PCYOX1: variants seen among roughly 807,000 people sequenced by gnomAD.
PCYOX1 encodes the protein prenylcysteine lyase.
Under a neutral mutation model 46.4 loss-of-function variants are expected in PCYOX1, and 46 were observed. The observed-to-expected ratio is 0.99, with a 90% confidence interval of 0.78 to 1.27. The LOEUF is 1.27. Ranked by LOEUF, PCYOX1 falls within the 50% of genes most tolerant of loss-of-function variation. The pLI, the probability that PCYOX1 is intolerant of heterozygous loss-of-function variation, is 0.00. For missense variants in PCYOX1, 658 were observed against 628.3 expected, an observed-to-expected ratio of 1.05 and a Z score of -0.51; for synonymous variants, 220 against 231.8, an observed-to-expected ratio of 0.95 and a Z score of 0.46.
intron 2 of PCYOX1, 37 bp from the exon 3 acceptor site, chr2:70,261,175 G>T: frequency 6.8e-7 from 1 of 1,465,602 alleles, no homozygotes; most frequent in South Asian, 1.2e-5. Flanking sequence ...GATCAGCATA[G>T]ACACCACTGA....
chr2:70,259,527 C>T lies in PCYOX1; in HGVS notation c.280C>T (p.Pro94Ser). The change falls in exon 2 of 6, where the codon CCT (proline) becomes TCT (serine). Residue 94 changes from proline (P) to serine (S), a missense_variant. By Grantham distance (74) the Pro-to-Ser change is moderately conservative (BLOSUM62 -1). Coordinates refer to ENST00000433351, the MANE Select transcript of PCYOX1 (RefSeq NM_016297.4). Reference sequence around the variant, plus strand: ...CGAGGCAGGAGGTTCTGTCATCCATCCTTTAAATCTGCACATGAAACGTTT... The same window carrying T: ...CGAGGCAGGAGGTTCTGTCATCCATTCTTTAAATCTGCACATGAAACGTTT... ...EYEAGGSVIHPLNLHMKRFVK... is the reference protein window; with the variant it reads ...EYEAGGSVIHSLNLHMKRFVK... 1 of 1,614,032 alleles carries T rather than the reference C, an allele frequency of 6.2e-7. No homozygotes were observed. Among genetic ancestry groups the T allele is most frequent in the Non-Finnish European group, 8.5e-7 (1 of 1,179,996 alleles).
intron 3 of PCYOX1, among the ~76,000 whole-genome samples, chr2:70,267,158 G>A (rs1487575193): frequency 6.6e-6 from 1 of 151,890 alleles, no homozygotes; most frequent in Non-Finnish European, 1.5e-5. Flanking sequence ...ACGGCGTCGC[G>A]GCCGGGCAGA....
rs778366823 is a variant in PCYOX1 at position 70,277,150 on chromosome 2, G to A, written c.1276G>A (p.Asp426Asn). Reference sequence around the variant, plus strand: ...AATTTTAAAGCTCTTTCTGTCCTATGATTATGCTGTGAAGAAGCCATGGCT... The same window carrying A: ...AATTTTAAAGCTCTTTCTGTCCTATAATTATGCTGTGAAGAAGCCATGGCT... ...AQILKLFLSYDYAVKKPWLAY... is the reference protein window; with the variant it reads ...AQILKLFLSYNYAVKKPWLAY... Residue 426 changes from aspartate (D) to asparagine (N), a missense_variant, in exon 6 of 6, where the codon GAT becomes AAT. Transcript: ENST00000433351. 4.3e-6 allele frequency: 7 copies of A among 1,614,026 alleles called. No homozygotes were observed. The Admixed American group carries it at 1.2e-4, about 27-fold the overall frequency.
At chr2:70,276,372 A>T (rs572421906) in intron 5 of PCYOX1, among the ~76,000 whole-genome samples, 16 of 151,636 alleles carry the variant, frequency 1.1e-4, no homozygotes, top group African/African-American at 3.9e-4. Context: ...GCGCTCGGCT[A>T]ATTTTTTGTA....
At position 70,276,868 on chromosome 2, in the gene PCYOX1, C is replaced by G; in HGVS notation, c.994C>G (p.Pro332Ala). 6.2e-7 allele frequency: 1 copy of G among 1,613,290 alleles called. No homozygotes were observed. Among genetic ancestry groups the G allele is most frequent in the East Asian group, 2.2e-5 (1 of 44,872 alleles). Residue 332 changes from proline to alanine, a missense_variant, in exon 6 of 6, where the codon CCA (proline) becomes GCA (alanine). Transcript: ENST00000433351. The stretch of plus-strand genomic sequence containing the variant: ...TATTACTTTTCTCAACTTTGATCCT[C>G]CAATTGAGGAATTCCATCAATATTA... The part of the protein sequence containing the change: ...SNITFLNFDP[P>A]IEEFHQYYQH...
At chr2:70,267,930 C>T (rs113413501) in intron 3 of PCYOX1, among the ~76,000 whole-genome samples, 15 of 152,198 alleles carry the variant, frequency 9.9e-5, no homozygotes, top group African/African-American at 3.6e-4. Context: ...TCTGCCTCAG[C>T]CTCCCGAGTA....
chr2:70,276,336 A>T (rs972210214), intron 5 of PCYOX1, among the ~76,000 whole-genome samples: 4 of 150,892 alleles, frequency 2.7e-5, no homozygotes, highest in Non-Finnish European at 3.0e-5. Context: ...CGTCCCGAGT[A>T]GCTGGGACTA....
At position 70,277,509 on chromosome 2, in the gene PCYOX1, A is replaced by G. The variant is rs1268173680; in HGVS notation, c.*117A>G. 1 of 817,198 alleles carries G rather than the reference A, an allele frequency of 1.2e-6. No individual in the cohort carries two copies. Among genetic ancestry groups the G allele is most frequent in the Non-Finnish European group, 2.0e-6 (1 of 506,618 alleles). 50.6% of individuals were successfully genotyped at this position (817,198 alleles called of 1,614,324 possible). On this transcript the variant is annotated 3_prime_UTR_variant, in exon 6 of 6. Transcript: ENST00000433351. ...ATTTTGCCATTATCATTGTTTAATA[A>G]AAGTAATCCCTGCTGGTCATAGGAA...
In PCYOX1 at chr2:70,277,436, A is replaced by G. The variant is rs968247827; in HGVS notation, c.*44A>G. ...CCCCTCCTAGTTCCAAATGACTATC[A>G]GTGGCAAAAAAGAACAAAATCTGAG... On this transcript the variant is annotated 3_prime_UTR_variant, in exon 6 of 6. Transcript: ENST00000433351. The G allele has an allele frequency of 6.8e-7, 1 of 1,472,460 alleles. No individual in the cohort carries two copies. Among genetic ancestry groups the G allele is most frequent in the South Asian group, 1.3e-5 (1 of 77,114 alleles). The allele number at this position is 1,472,460 out of a possible 1,614,324, so 91.2% of individuals were successfully genotyped here. A position where few individuals can be genotyped will look rare whatever the true frequency, so the allele number is the denominator to read the frequency against.
Position 70,277,262 on chromosome 2 carries a change from C to T in PCYOX1, c.1388C>T (p.Ala463Val), listed in dbSNP as rs747333866. The stretch of plus-strand genomic sequence containing the variant: ...TATTACCTCAATGGCATAGAGTGTG[C>T]AGCAAGTGCCATGGAGATGAGTGCC... ...RLYYLNGIEC[A>V]ASAMEMSAIA... Residue 463 changes from alanine (A) to valine (V), a missense_variant, in exon 6 of 6, where the codon GCA (alanine) becomes GTA (valine). Transcript: ENST00000433351. 6 of 1,614,158 alleles carry T rather than the reference C, an allele frequency of 3.7e-6. No individual in the cohort carries two copies. In the East Asian group the frequency reaches 1.1e-4, roughly 30 times the overall value.
chr2:70,260,313 G>T (rs1696418119), intron 2 of PCYOX1, among the ~76,000 whole-genome samples: 1 of 152,198 alleles, frequency 6.6e-6, no homozygotes, highest in South Asian at 2.1e-4. Context: ...GGGAGGCCGA[G>T]GCAGAGGATC....
At chr2:70,276,501 C>T (rs1320999666) in intron 5 of PCYOX1, among the ~76,000 whole-genome samples, 2 of 152,060 alleles carry the variant, frequency 1.3e-5, no homozygotes, top group Non-Finnish European at 1.5e-5. Flanking sequence ...CCACCATGCC[C>T]GGCCGAAAGA....
rs1032282674 is a variant in PCYOX1 at position 70,280,206 on chromosome 2, C to G, written c.*2814C>G. 4 of 152,200 alleles carry G rather than the reference C, an allele frequency of 2.6e-5. No homozygotes were observed. Among genetic ancestry groups the G allele is most frequent in the Non-Finnish European group, 5.9e-5 (4 of 68,038 alleles). 9.4% of individuals were successfully genotyped at this position (152,200 alleles called of 1,614,324 possible). A position where few individuals can be genotyped will look rare whatever the true frequency, so the allele number is the denominator to read the frequency against. ...CAGGTTATCAATACACCAAGGACAT[C>G]AAGTAGTTTTAATGCAACTACAGTG... On this transcript the variant is annotated 3_prime_UTR_variant, in exon 6 of 6. Coordinates refer to ENST00000433351, the MANE Select transcript of PCYOX1 (RefSeq NM_016297.4).
chr2:70,274,724 T>C (rs1696645953), intron 3 of PCYOX1: 1 of 483,534 alleles, frequency 2.1e-6, no homozygotes, highest in Non-Finnish European at 3.8e-6. Context: ...CCACTATGCC[T>C]GGTTAATTTT....
chr2:70,274,706 G>A, intron 3 of PCYOX1: 1 of 438,814 alleles, frequency 2.3e-6, no homozygotes, highest in Non-Finnish European at 4.2e-6. Flanking sequence ...TGGGACCACA[G>A]GCATACACCA....
At position 70,279,465 on chromosome 2, in the gene PCYOX1, T is replaced by TAA. The variant is rs1696733955; in HGVS notation, c.*2074_*2075insAA. 1 of 152,250 alleles carries TAA rather than the reference T, an allele frequency of 6.6e-6. No homozygotes were observed. The highest frequency in any genetic ancestry group is 1.5e-5 in the Non-Finnish European group (1 of 68,050). The allele number at this position is 152,250 out of a possible 1,614,324, so 9.4% of individuals were successfully genotyped here. On this transcript the variant is annotated 3_prime_UTR_variant, in exon 6 of 6. Coordinates refer to ENST00000433351, the MANE Select transcript of PCYOX1 (RefSeq NM_016297.4). ...TGTAGACTTGTTTTGCAATGGGATA[T>TAA]ATTTTTACTTATAATACCAATTTAG...
rs1174638493 is a variant in PCYOX1 at position 70,278,132 on chromosome 2, T to C, written c.*740T>C. ...AAGTCTTAGTAATGTAACTTGAAGA[T>C]GTTAAACAAAAATCTCAAGTAAAAT... On this transcript the variant is annotated 3_prime_UTR_variant, in exon 6 of 6. Transcript: ENST00000433351. The C allele has an allele frequency of 6.6e-6, 1 of 152,582 alleles. No homozygotes were observed. The highest frequency in any genetic ancestry group is 1.5e-5 in the Non-Finnish European group (1 of 68,046). The allele number at this position is 152,582 out of a possible 1,614,324, so 9.5% of individuals were successfully genotyped here.
chr2:70,267,545 C>T (rs188751851), intron 3 of PCYOX1, among the ~76,000 whole-genome samples: 4,057 of 152,194 alleles, frequency 0.027, 369 homozygotes, highest in Admixed American at 0.17. Context: ...CCTGGCACCT[C>T]GGGAGGCCGA....
chr2:70,259,219 G>A, intron 1 of PCYOX1, 141 bp from the exon 2 acceptor site: 2 of 706,682 alleles, frequency 2.8e-6, no homozygotes, highest in Non-Finnish European at 5.0e-6. Flanking sequence ...GACCTTCGCT[G>A]CAGGTGTCAC....
Sources: allele counts gnomAD v4.1 joint callset (sites outside exome capture counted in the v4.1 genomes callset), GRCh38; gene constraint gnomAD v4.1.1; transcripts MANE v1.5; gene names NCBI Gene and HGNC (gene_info 2026-07-23, HGNC 2026-07-21).